Variants in DECR1 observed in about 807,000 individuals in gnomAD.
DECR1 encodes the protein 2,4-dienoyl-CoA reductase 1.
Under a neutral mutation model 38.8 loss-of-function variants are expected in DECR1, and 44 were observed. That is an observed-to-expected ratio of 1.13 (90% CI 0.89 to 1.46). The LOEUF (loss-of-function observed/expected upper bound fraction) is 1.46. Among genes scored for constraint, DECR1 ranks in the 40% most tolerant of loss-of-function variants. The pLI is 0.00. For missense variants in DECR1, 428 were observed against 405.5 expected, an observed-to-expected ratio of 1.06 and a Z score of -0.48; for synonymous variants, 148 against 135.2, an observed-to-expected ratio of 1.09 and a Z score of -0.66.
intron 3 of DECR1, 26 bp from the exon 4 acceptor site, chr8:90,019,060 G>T: frequency 6.2e-7 from 1 of 1,610,508 alleles, no homozygotes; most frequent in Non-Finnish European, 8.5e-7. Flanking sequence ...GCTGGAAAAT[G>T]TCATATTCTT....
chr8:90,027,445 C>A (rs1428947445), intron 5 of DECR1, among the ~76,000 whole-genome samples: 1 of 152,132 alleles, frequency 6.6e-6, no homozygotes, highest in East Asian at 1.9e-4. Context: ...GTTAGCTCTT[C>A]CTGTTGAATT....
At chr8:90,008,368 T>C (rs1812794877) in intron 1 of DECR1, among the ~76,000 whole-genome samples, 1 of 152,256 alleles carries the variant, frequency 6.6e-6, no homozygotes, top group Non-Finnish European at 1.5e-5. Flanking sequence ...TTCTCTTAAT[T>C]TCTACTGCCC....
intron 1 of DECR1, among the ~76,000 whole-genome samples, chr8:90,002,547 G>T (rs533036502): frequency 6.6e-6 from 1 of 152,296 alleles, no homozygotes; most frequent in Non-Finnish European, 1.5e-5. Context: ...TTACAAAATT[G>T]TTATAAGTAA....
chr8:90,046,388 T>C (rs2130167706), intron 8 of DECR1, among the ~76,000 whole-genome samples: 1 of 152,266 alleles, frequency 6.6e-6, no homozygotes, highest in East Asian at 1.9e-4. Context: ...AAATACGTGA[T>C]GCATGAACAA....
chr8:90,005,215 C>CAGG, intron 1 of DECR1: 1 of 407,162 alleles, frequency 2.5e-6, no homozygotes, highest in South Asian at 1.8e-5. Flanking sequence ...GAGACGAGAT[C>CAGG]AGTCAGGTTG....
In DECR1 at chr8:90,020,855, G is replaced by A. The variant is rs571155165; in HGVS notation, c.418-54G>A. The A allele has an allele frequency of 7.7e-6, 11 of 1,423,578 alleles. No homozygotes were observed. The African/African-American group carries it at 1.5e-4, about 19-fold the overall frequency. The allele number at this position is 1,423,578 out of a possible 1,614,324, so 88.2% of individuals were successfully genotyped here. Reference sequence around the variant, plus strand: ...CATTTCAGAAAAAAAACCCTGCAGGGAAAATGTTTTTCCTCATCTAAAGTT... The same window carrying A: ...CATTTCAGAAAAAAAACCCTGCAGGAAAAATGTTTTTCCTCATCTAAAGTT... On this transcript the variant is annotated intron_variant, in intron 4 of 9. Transcript: ENST00000220764.
chr8:90,028,166 C>T (rs75574494), intron 5 of DECR1, among the ~76,000 whole-genome samples: 6,759 of 152,116 alleles, frequency 0.044, 214 homozygotes, highest in South Asian at 0.096. Flanking sequence ...CCTTGCTTTG[C>T]GAAATTGTTA....
rs141552760 is a variant in DECR1, at chr8:90,029,998, A to G, written c.566-6843A>G. On this transcript the variant is annotated intron_variant, in intron 5 of 9. Transcript: ENST00000220764. ...CCCAGCCCTTTTGGCACCAGGGACC[A>G]TTTTCGTGAAAGAAAATTTTTTCAC... Among the ~76,000 whole-genome samples the G allele has an allele frequency of 1.5e-4, 23 of 152,218 alleles. No individual in the cohort carries two copies. In the East Asian group the frequency reaches 4.4e-3, roughly 29 times the overall value.
chr8:90,020,590 C>A (rs773793806), intron 4 of DECR1, among the ~76,000 whole-genome samples: 1 of 152,104 alleles, frequency 6.6e-6, no homozygotes, highest in Admixed American at 6.6e-5. Context: ...GATGACGTCT[C>A]GCTTTGTTGC....
chr8:90,025,992 G>A (rs1053271186), intron 5 of DECR1, among the ~76,000 whole-genome samples: 3 of 152,168 alleles, frequency 2.0e-5, no homozygotes, highest in Admixed American at 6.5e-5. Flanking sequence ...TGTAGTTTTT[G>A]TCTTTTGTTC....
chr8:90,017,450 A>C, intron 2 of DECR1, 124 bp downstream of exon 2: 2 of 563,944 alleles, frequency 3.5e-6, no homozygotes, highest in Non-Finnish European at 5.9e-6. Context: ...AAATACTAGA[A>C]ATATTATTTA....
chr8:90,026,574 C>A (rs1170780773), intron 5 of DECR1, among the ~76,000 whole-genome samples: 2 of 152,230 alleles, frequency 1.3e-5, no homozygotes, highest in Admixed American at 1.3e-4. Flanking sequence ...GTGATATCCC[C>A]TTTATCATTT....
At chr8:90,015,689 G>T (rs1282921746) in intron 1 of DECR1, 1 of 456,012 alleles carries the variant, frequency 2.2e-6, no homozygotes, top group Non-Finnish European at 4.4e-6. Flanking sequence ...GTTTTAACTG[G>T]AGTGTTAATC....
chr8:90,037,788 A>G (rs1054623312), intron 6 of DECR1, among the ~76,000 whole-genome samples: 1 of 151,940 alleles, frequency 6.6e-6, no homozygotes, highest in Non-Finnish European at 1.5e-5. Flanking sequence ...GGCCTTTTCC[A>G]TTGTCTTTAT....
chr8:90,047,936 T>G lies in DECR1; in HGVS notation c.885+2941T>G, dbSNP rs572770060. On this transcript the variant is annotated intron_variant, in intron 8 of 9. Coordinates refer to ENST00000220764, the MANE Select transcript of DECR1 (RefSeq NM_001359.2). The stretch of plus-strand genomic sequence containing the variant: ...GAACAACCTGTTCCTGAATGACTAC[T>G]GGGTACATAACGAAATGAAGGCAGA... Among the ~76,000 whole-genome samples the G allele has an allele frequency of 2.0e-5, 3 of 152,292 alleles. No homozygotes were observed. The East Asian group carries it at 5.8e-4, about 29-fold the overall frequency.
chr8:90,047,087 T>C (rs1046866762), intron 8 of DECR1, among the ~76,000 whole-genome samples: 7 of 152,040 alleles, frequency 4.6e-5, no homozygotes, highest in African/African-American at 1.7e-4. Context: ...CAGGCCAAAT[T>C]GTAGAGACCA....
intron 8 of DECR1, among the ~76,000 whole-genome samples, chr8:90,049,948 T>C (rs886965543): frequency 1.3e-5 from 2 of 152,202 alleles, no homozygotes; most frequent in African/African-American, 4.8e-5. Flanking sequence ...GTTTAATAAA[T>C]GGTGCTGGGA....
intron 1 of DECR1, among the ~76,000 whole-genome samples, chr8:90,009,106 G>A (rs867043713): frequency 3.9e-5 from 6 of 152,072 alleles, no homozygotes; most frequent in South Asian, 2.1e-4. Flanking sequence ...CTAAGTCTCC[G>A]TAGTGGCTGA....
At chr8:90,001,628 C>A in intron 1 of DECR1, 67 bp downstream of exon 1, 2 of 1,438,998 alleles carry the variant, frequency 1.4e-6, no homozygotes, top group South Asian at 1.2e-5. Flanking sequence ...GAGGACAGGG[C>A]GTCACGGGGG....
Sources: allele counts gnomAD v4.1 joint callset (sites outside exome capture counted in the v4.1 genomes callset), GRCh38; gene constraint gnomAD v4.1.1; transcripts MANE v1.5; gene names NCBI Gene and HGNC (gene_info 2026-07-23, HGNC 2026-07-21).